The following LDLRAD3 variants were observed in gnomAD, a reference collection of about 807,000 sequenced individuals.
The protein encoded by LDLRAD3 is low density lipoprotein receptor class A domain containing 3.
LDLRAD3 carries 20 observed loss-of-function variants against 29.4 expected under a neutral mutation model. The observed-to-expected ratio is 0.68, with a 90% CI of 0.48 to 0.99. LDLRAD3 has a LOEUF of 0.99. Ranked by LOEUF, LDLRAD3 falls within the 50% of genes least tolerant of loss-of-function variation. The pLI is 0.00. For synonymous variants in LDLRAD3, 157 were observed against 192.7 expected (o/e 0.81, Z 1.53); for missense variants, 420 against 454.3 (o/e 0.92, Z 0.69).
At position 36,206,917 on chromosome 11, in the gene LDLRAD3, G is replaced by A. The variant is rs188143083; in HGVS notation, c.455-20168G>A. On this transcript the variant is annotated intron_variant, in intron 4 of 5. Coordinates refer to ENST00000315571, the MANE Select transcript of LDLRAD3 (RefSeq NM_174902.4). ...TAATTTCTGTATTTTTAGTAGAGAC[G>A]GGTTTTCACCATGTTGGCCAGGCTG... Among the ~76,000 whole-genome samples, 715 of 151,920 alleles carry A rather than the reference G, an allele frequency of 4.7e-3. 10 individuals carry two copies. The highest frequency in any genetic ancestry group is 0.016 in the African/African-American group (683 of 41,446).
intron 4 of LDLRAD3, among the ~76,000 whole-genome samples, chr11:36,174,720 G>A (rs568521853): frequency 1.8e-4 from 28 of 152,274 alleles, no homozygotes; most frequent in South Asian, 1.2e-3. Context: ...AGTGGCTCAC[G>A]CCTGAAATCC....
chr11:36,120,154 G>A (rs1853732939), intron 4 of LDLRAD3, among the ~76,000 whole-genome samples: 1 of 152,036 alleles, frequency 6.6e-6, no homozygotes, highest in South Asian at 2.1e-4. Context: ...AGACTCCCTT[G>A]GCTATATTTC....
intron 1 of LDLRAD3, among the ~76,000 whole-genome samples, chr11:36,019,234 G>A (rs561904445): frequency 5.9e-5 from 9 of 152,278 alleles, no homozygotes; most frequent in Middle Eastern, 3.4e-3. Context: ...TGATTATCGC[G>A]GGTGTTCAGT....
intron 1 of LDLRAD3, chr11:36,010,145 C>A (rs144294597): frequency 6.5e-6 from 1 of 154,338 alleles, no homozygotes; most frequent in Admixed American, 6.5e-5. Context: ...GGATTGCTTG[C>A]CCCTTGCTCC....
intron 4 of LDLRAD3, among the ~76,000 whole-genome samples, chr11:36,174,338 G>A (rs1193557449): frequency 1.3e-5 from 2 of 152,126 alleles, no homozygotes; most frequent in Non-Finnish European, 2.9e-5. Flanking sequence ...CAAAAGCAAT[G>A]GCAACAAAAG....
chr11:36,139,869 T>C (rs375102174), intron 4 of LDLRAD3, among the ~76,000 whole-genome samples: 1 of 152,196 alleles, frequency 6.6e-6, no homozygotes, highest in Non-Finnish European at 1.5e-5. Flanking sequence ...CCTGGAAGGC[T>C]TGGCAGCAGG....
chr11:36,099,913 T>C lies in LDLRAD3; in HGVS notation c.454+1452T>C, dbSNP rs77887361. On this transcript the variant is annotated intron_variant, in intron 4 of 5. Transcript: ENST00000315571. ...GTCTTGGATAGAATTAGCTTCTGAT[T>C]GTCTTTGCCTGGAAAATGCCTTTCT... is the stretch of plus-strand genomic sequence containing the variant. 8.3e-3 allele frequency among the ~76,000 whole-genome samples: 1,269 copies of C among 152,322 alleles called. 9 individuals are homozygous for C. The highest frequency in any genetic ancestry group is 0.014 in the Non-Finnish European group (964 of 68,018).
At chr11:36,224,842 G>A (rs548373169) in intron 4 of LDLRAD3, among the ~76,000 whole-genome samples, 2 of 152,320 alleles carry the variant, frequency 1.3e-5, no homozygotes, top group African/African-American at 4.8e-5. Flanking sequence ...TTTTGAAGGA[G>A]AAACATCTAG....
rs149679921 is a variant in LDLRAD3, at chr11:36,097,199, A to G, written c.320-1128A>G. On this transcript the variant is annotated intron_variant, in intron 3 of 5. Coordinates refer to ENST00000315571, the MANE Select transcript of LDLRAD3 (RefSeq NM_174902.4). ...CTGCTCAGAAAATGCTCACTGACCA[A>G]CTAGGTTCATGGGCTTTTTTGTTTG... Among the ~76,000 whole-genome samples the G allele has an allele frequency of 6.7e-3, 1,022 of 152,316 alleles. 16 individuals carry two copies. The highest frequency in any genetic ancestry group is 0.024 in the African/African-American group (999 of 41,582).
intron 1 of LDLRAD3, among the ~76,000 whole-genome samples, chr11:35,954,257 T>G (rs1352892684): frequency 6.6e-6 from 1 of 152,210 alleles, no homozygotes; most frequent in Non-Finnish European, 1.5e-5. Context: ...TATGAATGTA[T>G]ATATATTCAG....
At chr11:36,094,137 CT>C (rs764831051) in intron 3 of LDLRAD3, among the ~76,000 whole-genome samples, 30 of 152,210 alleles carry the variant, frequency 2.0e-4, no homozygotes, top group Non-Finnish European at 3.7e-4. Flanking sequence ...GGACTCGCCC[CT>C]GTCTGCCCAG....
At chr11:36,016,152 A>G (rs1413447991) in intron 1 of LDLRAD3, among the ~76,000 whole-genome samples, 1 of 152,226 alleles carries the variant, frequency 6.6e-6, no homozygotes, top group Non-Finnish European at 1.5e-5. Context: ...GGGGCTGGCC[A>G]GAAGGGAGGG....
chr11:36,024,324 A>G (rs1852135153), intron 1 of LDLRAD3, among the ~76,000 whole-genome samples: 1 of 121,084 alleles, frequency 8.3e-6, no homozygotes. Flanking sequence ...TTTTATATCT[A>G]TATCTATAGC....
At chr11:36,097,616 G>A (rs1041748939) in intron 3 of LDLRAD3, among the ~76,000 whole-genome samples, 2 of 152,266 alleles carry the variant, frequency 1.3e-5, no homozygotes, top group East Asian at 3.9e-4. Context: ...GGGTGAGTAG[G>A]GGGAAGGGAG....
At chr11:36,228,880 G>A (rs1407823708) in intron 5 of LDLRAD3, among the ~76,000 whole-genome samples, 1 of 152,194 alleles carries the variant, frequency 6.6e-6, no homozygotes, top group Non-Finnish European at 1.5e-5. Context: ...CCCAGGTTGA[G>A]CCGAGGGACT....
Position 36,222,247 on chromosome 11 carries a change from A to T in LDLRAD3, c.455-4838A>T, listed in dbSNP as rs117782893. ...CTACGCCCAGCTAATTTACTAAATT[A>T]TTACATTTTTATTTTTTGCAGAGAC... On this transcript the variant is annotated intron_variant, in intron 4 of 5. Coordinates refer to ENST00000315571, the MANE Select transcript of LDLRAD3 (RefSeq NM_174902.4). 9.4e-4 allele frequency among the ~76,000 whole-genome samples: 143 copies of T among 152,112 alleles called. 1 individual carries two copies. The East Asian group carries it at 0.026, about 27-fold the overall frequency.
At chr11:35,972,650 C>G (rs1851427507) in intron 1 of LDLRAD3, 1 of 152,140 alleles carries the variant, frequency 6.6e-6, no homozygotes, top group Non-Finnish European at 1.5e-5. Flanking sequence ...AATTTCTTTG[C>G]AGAAACTGTA....
intron 4 of LDLRAD3, among the ~76,000 whole-genome samples, chr11:36,113,107 A>G (rs1853627821): frequency 6.6e-6 from 1 of 152,148 alleles, no homozygotes; most frequent in Non-Finnish European, 1.5e-5. Flanking sequence ...TTTGGGATCT[A>G]GTTTCTAGGG....
intron 4 of LDLRAD3, among the ~76,000 whole-genome samples, chr11:36,125,693 G>A (rs1853826536): frequency 6.6e-6 from 1 of 152,156 alleles, no homozygotes; most frequent in Admixed American, 6.5e-5. Context: ...GCACCCAACT[G>A]CCCAAACAGT....
Sources: allele counts gnomAD v4.1 joint callset (sites outside exome capture counted in the v4.1 genomes callset), GRCh38; gene constraint gnomAD v4.1.1; transcripts MANE v1.5; gene names NCBI Gene and HGNC (gene_info 2026-07-23, HGNC 2026-07-21).